FRMD4A: variants seen among roughly 807,000 people sequenced by gnomAD.
FRMD4A encodes the protein FERM domain containing 4A, also known as FERM domain-containing protein 4A.
A neutral mutation model predicts 129.1 loss-of-function variants in FRMD4A; 29 were observed. The ratio of observed to expected loss-of-function variants is 0.22; its 90% CI spans 0.17 to 0.31. The LOEUF (loss-of-function observed/expected upper bound fraction) is 0.31. FRMD4A is among the 10% of genes least tolerant of loss of function. The probability of loss-of-function intolerance (pLI) is 1.00; values close to 1 mark genes in which losing one functional copy is unlikely to be tolerated. For missense variants in FRMD4A, 1,272 were observed against 1,375.8 expected, an observed-to-expected ratio of 0.92 and a Z score of 1.19; for synonymous variants, 634 against 571.6, an observed-to-expected ratio of 1.11 and a Z score of -1.56.
intron 2 of FRMD4A, among the ~76,000 whole-genome samples, chr10:13,935,571 C>T (rs2095242532): frequency 6.6e-6 from 1 of 151,606 alleles, no homozygotes; most frequent in African/African-American, 2.4e-5. Context: ...ATATGGTGTG[C>T]CTTGTTTTCC....
chr10:14,308,912 G>A (rs1349231076), intron 2 of FRMD4A, among the ~76,000 whole-genome samples: 3 of 152,118 alleles, frequency 2.0e-5, no homozygotes, highest in Non-Finnish European at 2.9e-5. Context: ...CTGCTAATAC[G>A]GGGAACGACT....
chr10:13,863,720 C>T (rs1009569586), intron 2 of FRMD4A, among the ~76,000 whole-genome samples: 1 of 151,504 alleles, frequency 6.6e-6, no homozygotes, highest in Non-Finnish European at 1.5e-5. Flanking sequence ...GTTTACACCA[C>T]TCCACCTCAC....
intron 2 of FRMD4A, 58 bp from the exon 3 acceptor site, chr10:13,858,970 A>G: frequency 9.5e-7 from 1 of 1,050,816 alleles, no homozygotes; most frequent in East Asian, 2.4e-5. Context: ...AAAGGGTTAG[A>G]GGGTCGCCGA....
chr10:13,742,507 T>C (rs1327797540), intron 9 of FRMD4A, among the ~76,000 whole-genome samples: 1 of 152,210 alleles, frequency 6.6e-6, no homozygotes, highest in Non-Finnish European at 1.5e-5. Flanking sequence ...GAGATCTCAA[T>C]AGAGGATCTT....
chr10:14,060,863 C>T (rs1401541640), intron 2 of FRMD4A, among the ~76,000 whole-genome samples: 11 of 151,920 alleles, frequency 7.2e-5, no homozygotes, highest in Non-Finnish European at 1.5e-5. Context: ...AATAACAAAG[C>T]CAAAAATAAT....
chr10:13,751,355 A>C (rs566624003), intron 8 of FRMD4A, among the ~76,000 whole-genome samples: 11 of 152,220 alleles, frequency 7.2e-5, no homozygotes, highest in Non-Finnish European at 1.6e-4. Flanking sequence ...AACCTGTCCA[A>C]ATCCATTATA....
intron 2 of FRMD4A, among the ~76,000 whole-genome samples, chr10:14,054,308 C>T (rs1012790328): frequency 6.6e-6 from 1 of 152,100 alleles, no homozygotes; most frequent in African/African-American, 2.4e-5. Context: ...GGCTGCTGAC[C>T]CTGGAGAGGT....
intron 2 of FRMD4A, among the ~76,000 whole-genome samples, chr10:14,314,633 A>G (rs957563309): frequency 2.6e-5 from 4 of 152,054 alleles, no homozygotes; most frequent in Non-Finnish European, 5.9e-5. Context: ...TCTTGGAACC[A>G]TGAGGGGAAG....
chr10:14,008,264 G>A, intron 2 of FRMD4A: 1 of 1,050,428 alleles, frequency 9.5e-7, no homozygotes, highest in Non-Finnish European at 1.2e-6. Flanking sequence ...ATGGTCTCCT[G>A]GAGGGTTCCC....
chr10:13,772,151 GATATATA>G (rs946396198), intron 6 of FRMD4A, among the ~76,000 whole-genome samples: 74 of 137,402 alleles, frequency 5.4e-4, no homozygotes, highest in African/African-American at 2.0e-3. Context: ...ATATAATAAA[GATATATA>G]ATATATAATA....
chr10:14,030,077 G>C (rs1722646455), intron 2 of FRMD4A, among the ~76,000 whole-genome samples: 2 of 152,184 alleles, frequency 1.3e-5, no homozygotes, highest in South Asian at 4.1e-4. Context: ...GAACAGGGTA[G>C]AATGTGGTTT....
intron 2 of FRMD4A, among the ~76,000 whole-genome samples, chr10:14,057,317 T>A (rs190739955): frequency 5.9e-5 from 9 of 151,640 alleles, no homozygotes; most frequent in Admixed American, 1.3e-4. Flanking sequence ...AAAGAGAGAC[T>A]TCCCCCCCAT....
chr10:13,955,386 G>A (rs1193669196), intron 2 of FRMD4A, among the ~76,000 whole-genome samples: 1 of 152,196 alleles, frequency 6.6e-6, no homozygotes, highest in Non-Finnish European at 1.5e-5. Context: ...GGGATTACAG[G>A]TGTTAGCCAC....
chr10:13,915,567 G>A (rs2094992268), intron 2 of FRMD4A, among the ~76,000 whole-genome samples: 1 of 151,856 alleles, frequency 6.6e-6, no homozygotes, highest in South Asian at 2.1e-4. Flanking sequence ...AGCTACTCGG[G>A]AGGCTGAGGC....
At chr10:13,780,190 G>C (rs577049938) in intron 6 of FRMD4A, among the ~76,000 whole-genome samples, 2 of 152,218 alleles carry the variant, frequency 1.3e-5, no homozygotes, top group South Asian at 2.1e-4. Flanking sequence ...AGCCAAGCGT[G>C]GTGGTGCACA....
intron 2 of FRMD4A, among the ~76,000 whole-genome samples, chr10:14,062,784 C>T (rs112505251): frequency 5.8e-4 from 89 of 152,270 alleles, no homozygotes; most frequent in African/African-American, 2.1e-3. Context: ...CCAGTCCTGG[C>T]CAGGCACAGT....
At chr10:13,878,368 C>A (rs990330103) in intron 2 of FRMD4A, among the ~76,000 whole-genome samples, 1 of 152,148 alleles carries the variant, frequency 6.6e-6, no homozygotes, top group South Asian at 2.1e-4. Context: ...CCTGGTTTAA[C>A]CAGTGACACT....
chr10:13,750,039 G>T (rs1306753631), intron 8 of FRMD4A, among the ~76,000 whole-genome samples: 3 of 134,646 alleles, frequency 2.2e-5, no homozygotes, highest in Non-Finnish European at 4.7e-5. Flanking sequence ...GAAAGAGAGG[G>T]AAAGGAAAGG....
At chr10:14,098,278 C>T (rs1348977056) in intron 2 of FRMD4A, among the ~76,000 whole-genome samples, 1 of 151,258 alleles carries the variant, frequency 6.6e-6, no homozygotes, top group Admixed American at 6.6e-5. Flanking sequence ...TGTACATTTC[C>T]ATTACAGTTG....
Sources: allele counts gnomAD v4.1 joint callset (sites outside exome capture counted in the v4.1 genomes callset), GRCh38; gene constraint gnomAD v4.1.1; transcripts MANE v1.5; gene names NCBI Gene and HGNC (gene_info 2026-07-23, HGNC 2026-07-21).